Variants in PXDNL observed in about 807,000 individuals in gnomAD.
PXDNL encodes the protein probable oxidoreductase PXDNL.
Under a neutral mutation model 150.8 loss-of-function variants are expected in PXDNL, and 145 were observed. The ratio of observed to expected loss-of-function variants is 0.96; its 90% CI spans 0.84 to 1.10. PXDNL has a LOEUF of 1.10. PXDNL is among the 50% of genes least tolerant of loss of function. The pLI is 0.00. For synonymous variants in PXDNL, 757 were observed against 725.7 expected (o/e 1.04, Z -0.69); for missense variants, 2,087 against 1,873.9 (o/e 1.11, Z -2.10).
At chr8:51,363,274 GGAAGGTACCTGGGGGAAGACATTAGT>G (rs1286001239) in intron 19 of PXDNL, among the ~76,000 whole-genome samples, 1 of 152,100 alleles carries the variant, frequency 6.6e-6, no homozygotes, top group Non-Finnish European at 1.5e-5. Context: ...AAGACATTAG[GGAAGGTACCTGGGGGAAGACATTAGT>G]GAAGGTACTG....
chr8:51,337,282 A>T (rs1229271161), intron 21 of PXDNL, among the ~76,000 whole-genome samples: 1 of 152,222 alleles, frequency 6.6e-6, no homozygotes, highest in Admixed American at 6.5e-5. Context: ...TTGAACTGAA[A>T]TGTTGCTCAT....
At chr8:51,416,748 GA>G (rs1808810896) in intron 14 of PXDNL, among the ~76,000 whole-genome samples, 1 of 152,104 alleles carries the variant, frequency 6.6e-6, no homozygotes, top group Non-Finnish European at 1.5e-5. Flanking sequence ...AAAAGGAGAA[GA>G]AAATTTTAAA....
intron 12 of PXDNL, among the ~76,000 whole-genome samples, chr8:51,438,128 A>G (rs190706173): frequency 5.9e-5 from 9 of 152,352 alleles, no homozygotes; most frequent in Admixed American, 5.9e-4. Context: ...AGAGCTCTAT[A>G]ATGAAAACTT....
chr8:51,759,506 A>C (rs186726591), intron 1 of PXDNL, among the ~76,000 whole-genome samples: 216 of 152,248 alleles, frequency 1.4e-3, no homozygotes, highest in African/African-American at 5.0e-3. Flanking sequence ...GCCATGAAGC[A>C]CTCTGACCAG....
intron 3 of PXDNL, among the ~76,000 whole-genome samples, chr8:51,566,853 TC>T (rs1386927912): frequency 1.3e-5 from 2 of 151,536 alleles, no homozygotes; most frequent in Non-Finnish European, 3.0e-5. Context: ...CTTTTTTTTC[TC>T]TTGTCTCCTA....
At chr8:51,520,762 C>T (rs1042283386) in intron 4 of PXDNL, among the ~76,000 whole-genome samples, 2 of 152,044 alleles carry the variant, frequency 1.3e-5, no homozygotes, top group Non-Finnish European at 2.9e-5. Context: ...CTGCATACCT[C>T]AGCACCTGCT....
chr8:51,410,964 A>G (rs1413814543), intron 16 of PXDNL, among the ~76,000 whole-genome samples: 1 of 152,240 alleles, frequency 6.6e-6, no homozygotes, highest in African/African-American at 2.4e-5. Flanking sequence ...ACACAATAAT[A>G]TCTTTTACAT....
At chr8:51,643,251 A>C (rs1814815325) in intron 2 of PXDNL, among the ~76,000 whole-genome samples, 1 of 152,224 alleles carries the variant, frequency 6.6e-6, no homozygotes, top group African/African-American at 2.4e-5. Context: ...CCTAAGCAAA[A>C]AGAACAAAGC....
chr8:51,736,840 AG>A (rs1817048990), intron 1 of PXDNL, among the ~76,000 whole-genome samples: 1 of 152,242 alleles, frequency 6.6e-6, no homozygotes, highest in South Asian at 2.1e-4. Flanking sequence ...TGTTTTGGAA[AG>A]CAAGAGTCTT....
At chr8:51,352,475 T>C (rs1052041486) in intron 19 of PXDNL, among the ~76,000 whole-genome samples, 15 of 152,098 alleles carry the variant, frequency 9.9e-5, no homozygotes, top group Non-Finnish European at 1.8e-4. Context: ...TGGGAGGTGA[T>C]TGGACCATGA....
intron 8 of PXDNL, among the ~76,000 whole-genome samples, chr8:51,464,084 C>A (rs1217965582): frequency 6.6e-6 from 1 of 151,692 alleles, no homozygotes; most frequent in Non-Finnish European, 1.5e-5. Flanking sequence ...ATATAACTGA[C>A]TGGGCACAGT....
intron 1 of PXDNL, among the ~76,000 whole-genome samples, chr8:51,753,502 G>T (rs936657902): frequency 6.6e-6 from 1 of 152,196 alleles, no homozygotes; most frequent in Non-Finnish European, 1.5e-5. Flanking sequence ...AATCAAAAAA[G>T]AAGAGTATCT....
intron 7 of PXDNL, among the ~76,000 whole-genome samples, chr8:51,474,693 T>C (rs371133759): frequency 1.3e-4 from 20 of 152,324 alleles, no homozygotes; most frequent in African/African-American, 4.8e-4. Flanking sequence ...GGTGACCTTG[T>C]TGAAAATCAG....
chr8:51,422,404 C>T (rs1563405537), intron 14 of PXDNL, among the ~76,000 whole-genome samples: 1 of 152,032 alleles, frequency 6.6e-6, no homozygotes, highest in Non-Finnish European at 1.5e-5. Flanking sequence ...AATAAATGCT[C>T]AGAAGTTTGA....
chr8:51,568,409 C>T (rs1029483721), intron 3 of PXDNL, among the ~76,000 whole-genome samples: 13 of 151,796 alleles, frequency 8.6e-5, no homozygotes, highest in African/African-American at 3.1e-4. Flanking sequence ...TTTTTACTTT[C>T]AATGTTTTAA....
At chr8:51,512,362 C>T (rs937114801) in intron 4 of PXDNL, among the ~76,000 whole-genome samples, 4 of 152,060 alleles carry the variant, frequency 2.6e-5, no homozygotes, top group Non-Finnish European at 5.9e-5. Context: ...GTGAGAGAAG[C>T]ACAGAGAGAA....
intron 1 of PXDNL, among the ~76,000 whole-genome samples, chr8:51,668,729 G>A (rs1815440189): frequency 6.6e-6 from 1 of 152,116 alleles, no homozygotes; most frequent in South Asian, 2.1e-4. Context: ...AATTCCAATA[G>A]TATATTAAAC....
At chr8:51,721,331 T>A (rs1393688101) in intron 1 of PXDNL, among the ~76,000 whole-genome samples, 1 of 152,246 alleles carries the variant, frequency 6.6e-6, no homozygotes, top group African/African-American at 2.4e-5. Context: ...CTTAATTAGC[T>A]GCAAAGAATG....
intron 4 of PXDNL, among the ~76,000 whole-genome samples, chr8:51,526,347 C>CTT (rs1318790856): frequency 1.5e-5 from 2 of 134,050 alleles, no homozygotes; most frequent in South Asian, 4.8e-4. Context: ...GTTTTTTTTT[C>CTT]TTTTTTTTTT....
Sources: gnomAD v4.1 joint callset for allele counts (sites outside exome capture counted in the v4.1 genomes callset) on GRCh38, gnomAD v4.1.1 for gene constraint, MANE v1.5 for transcripts, NCBI Gene and HGNC (gene_info 2026-07-23, HGNC 2026-07-21) for gene names.